The following STIM1 variants were observed in gnomAD, a reference collection of about 807,000 sequenced individuals.
STIM1 encodes stromal interaction molecule 1.
In STIM1, 25 loss-of-function variants were observed where a neutral mutation model predicts 74.7. That is an observed-to-expected ratio of 0.33 (90% confidence interval 0.24 to 0.47). STIM1 has a LOEUF of 0.47. STIM1 is among the 20% of genes least tolerant of loss of function. STIM1 has a pLI of 1.00. For synonymous variants in STIM1, 328 were observed against 348.8 expected (o/e 0.94, Z 0.66); for missense variants, 728 against 920.8 (o/e 0.79, Z 2.71).
intron 2 of STIM1, among the ~76,000 whole-genome samples, chr11:4,012,803 A>G (rs11030608): frequency 0.44 from 67,329 of 152,008 alleles, 16,121 homozygotes; most frequent in East Asian, 0.61. Context: ...GTCTTGTGCC[A>G]GTTTTCAAAG....
chr11:3,922,223 C>T (rs2092726322), intron 1 of STIM1, among the ~76,000 whole-genome samples: 3 of 152,066 alleles, frequency 2.0e-5, no homozygotes, highest in East Asian at 1.9e-4. Flanking sequence ...TGAGTGCTAA[C>T]ACCACTGTTA....
chr11:3,923,056 C>T (rs1316482592), intron 1 of STIM1, among the ~76,000 whole-genome samples: 5 of 149,366 alleles, frequency 3.3e-5, no homozygotes, highest in Non-Finnish European at 7.4e-5. Flanking sequence ...CAGAGATCGG[C>T]GCCACTGCAC....
intron 1 of STIM1, among the ~76,000 whole-genome samples, chr11:3,914,451 T>A (rs568243378): frequency 2.0e-5 from 3 of 152,274 alleles, no homozygotes; most frequent in Non-Finnish European, 4.4e-5. Context: ...TCAATTTTTT[T>A]ATATTTTTTG....
intron 3 of STIM1, among the ~76,000 whole-genome samples, chr11:4,035,256 G>A (rs1348670835): frequency 6.8e-6 from 1 of 147,958 alleles, no homozygotes; most frequent in Non-Finnish European, 1.5e-5. Context: ...CCCAAATTCT[G>A]GTGTATTGTG....
intron 2 of STIM1, among the ~76,000 whole-genome samples, chr11:4,016,465 C>T (rs1348031614): frequency 6.6e-6 from 1 of 152,180 alleles, no homozygotes; most frequent in African/African-American, 2.4e-5. Flanking sequence ...GTCTGTCAGT[C>T]CCTACTGGGA....
At chr11:3,930,908 A>G (rs1396721156) in intron 1 of STIM1, among the ~76,000 whole-genome samples, 1 of 152,190 alleles carries the variant, frequency 6.6e-6, no homozygotes, top group African/African-American at 2.4e-5. Context: ...GTATTCAATC[A>G]TTCTTTTAAC....
chr11:4,067,393 G>A (rs2094374726), intron 5 of STIM1, among the ~76,000 whole-genome samples: 1 of 152,194 alleles, frequency 6.6e-6, no homozygotes, highest in Non-Finnish European at 1.5e-5. Context: ...GCCACTATCA[G>A]CTTCCAGGAT....
chr11:4,000,927 T>C (rs1288626525), intron 2 of STIM1, among the ~76,000 whole-genome samples: 1 of 152,094 alleles, frequency 6.6e-6, no homozygotes, highest in Non-Finnish European at 1.5e-5. Flanking sequence ...GCTCGAGAAC[T>C]ACGTGAAGAA....
intron 1 of STIM1, among the ~76,000 whole-genome samples, chr11:3,899,510 C>G (rs1373820997): frequency 6.6e-6 from 1 of 151,742 alleles, no homozygotes; most frequent in Non-Finnish European, 1.5e-5. Flanking sequence ...CCCTTTATTT[C>G]CTTCTCCTGC....
At position 3,855,925 on chromosome 11, in the gene STIM1, G is replaced by T; in HGVS notation, c.-346G>T. ...CTCTTCCTCCTCCACTTCTGTGCCC[G>T]CGGAGACTCCGGCCGCCCCCTTCCG... On this transcript the variant is annotated 5_prime_UTR_variant, in exon 1 of 13. Coordinates refer to ENST00000526596, the MANE Select transcript of STIM1 (RefSeq NM_001382567.1). The T allele has an allele frequency of 3.1e-6, 1 of 323,598 alleles. No individual in the cohort carries two copies. The highest frequency in any genetic ancestry group is 7.2e-5 in the East Asian group (1 of 13,914). 20.0% of individuals were successfully genotyped at this position (323,598 alleles called of 1,614,324 possible).
chr11:4,016,302 C>T (rs532366902), intron 2 of STIM1, among the ~76,000 whole-genome samples: 12 of 152,176 alleles, frequency 7.9e-5, no homozygotes, highest in Admixed American at 3.3e-4. Flanking sequence ...ACAGACAGGC[C>T]CCTCAGCTGC....
intron 3 of STIM1, among the ~76,000 whole-genome samples, chr11:4,042,556 TC>T (rs1325103375): frequency 1.3e-5 from 2 of 152,214 alleles, no homozygotes; most frequent in African/African-American, 4.8e-5. Flanking sequence ...AAATGTTTTT[TC>T]CCCCTAATGA....
intron 1 of STIM1, among the ~76,000 whole-genome samples, chr11:3,938,856 GT>G (rs2135592992): frequency 6.6e-6 from 1 of 152,230 alleles, no homozygotes; most frequent in East Asian, 1.9e-4. Flanking sequence ...AAAAAAGACA[GT>G]TTAAGACCAT....
intron 3 of STIM1, among the ~76,000 whole-genome samples, chr11:4,030,326 C>CA (rs35716064): frequency 0.29 from 35,410 of 122,610 alleles, 5,021 homozygotes; most frequent in South Asian, 0.45. Flanking sequence ...AACTCCATCT[C>CA]AAAAAAAAAA....
intron 1 of STIM1, among the ~76,000 whole-genome samples, chr11:3,904,213 A>G (rs937323876): frequency 2.0e-5 from 3 of 150,890 alleles, no homozygotes; most frequent in African/African-American, 7.3e-5. Context: ...AAAAAAAAAA[A>G]AAAAAAGAAA....
chr11:4,028,426 C>T (rs576519088), intron 3 of STIM1, among the ~76,000 whole-genome samples: 4 of 129,232 alleles, frequency 3.1e-5, no homozygotes, highest in East Asian at 2.3e-4. Context: ...TTTTTTTTTT[C>T]GAGGTGGAGT....
intron 2 of STIM1, among the ~76,000 whole-genome samples, chr11:4,008,854 T>G (rs1383087202): frequency 2.0e-5 from 3 of 152,092 alleles, no homozygotes; most frequent in African/African-American, 7.2e-5. Context: ...AGGAATTGAT[T>G]TTTTTTTCAT....
chr11:3,956,279 T>C (rs1308308421), intron 1 of STIM1, among the ~76,000 whole-genome samples: 2 of 152,170 alleles, frequency 1.3e-5, no homozygotes, highest in Non-Finnish European at 2.9e-5. Flanking sequence ...GCATGCTGTG[T>C]GCAGGATAAG....
intron 5 of STIM1, among the ~76,000 whole-genome samples, chr11:4,066,403 T>C (rs2094365695): frequency 6.6e-6 from 1 of 152,200 alleles, no homozygotes; most frequent in Admixed American, 6.5e-5. Flanking sequence ...AAAACCTCCC[T>C]GCATTCTCCC....
Sources: gnomAD v4.1 joint callset for allele counts (sites outside exome capture counted in the v4.1 genomes callset) on GRCh38, gnomAD v4.1.1 for gene constraint, MANE v1.5 for transcripts, NCBI Gene and HGNC (gene_info 2026-07-23, HGNC 2026-07-21) for gene names.